TRIT1: variants seen among roughly 807,000 people sequenced by gnomAD.
TRIT1 encodes tRNA isopentenyltransferase 1, also known as tRNA dimethylallyltransferase.
TRIT1 carries 43 observed loss-of-function variants against 51.2 expected under a neutral mutation model. The observed-to-expected ratio is 0.84, with a 90% CI of 0.66 to 1.08. The LOEUF is 1.08. Ranked by LOEUF, TRIT1 falls within the 50% of genes least tolerant of loss-of-function variation. The pLI, the probability that TRIT1 is intolerant of heterozygous loss-of-function variation, is 0.00. For missense variants in TRIT1, 528 were observed against 578.4 expected (o/e 0.91, Z 0.89); for synonymous variants, 184 against 203.9 (o/e 0.90, Z 0.83).
chr1:39,849,447 C>A (rs894237134), intron 5 of TRIT1, among the ~76,000 whole-genome samples: 9 of 152,084 alleles, frequency 5.9e-5, no homozygotes, highest in Non-Finnish European at 1.3e-4. Flanking sequence ...GTCTCTGACT[C>A]CCCCCAAGAT....
chr1:39,844,541 C>T lies in TRIT1; in HGVS notation c.1106G>A (p.Ser369Asn). 1 of 1,613,342 alleles carries T rather than the reference C, an allele frequency of 6.2e-7. No individual in the cohort carries two copies. The part of the protein sequence containing the change: ...VLEPALEIVQ[S>N]FIQGHKPTAT... ...ATGATTCATAATTACCTGGATGAAA[C>T]TTTGCACGATTTCAAGAGCAGGTTC... Residue 369 changes from serine to asparagine, a missense_variant, in exon 9 of 11, where the codon AGT becomes AAT. Physicochemically the swap from Ser to Asn is conservative, Grantham distance 46. Coordinates refer to ENST00000316891, the MANE Select transcript of TRIT1 (RefSeq NM_017646.6).
At chr1:39,875,832 G>T (rs1388665594) in intron 1 of TRIT1, among the ~76,000 whole-genome samples, 1 of 152,132 alleles carries the variant, frequency 6.6e-6, no homozygotes, top group East Asian at 1.9e-4. Context: ...ACAGCATGGA[G>T]ATGAGGATTT....
intron 1 of TRIT1, among the ~76,000 whole-genome samples, chr1:39,861,044 T>C (rs1405669770): frequency 6.6e-6 from 1 of 152,194 alleles, no homozygotes; most frequent in Non-Finnish European, 1.5e-5. Flanking sequence ...GCCACTGCAC[T>C]CTAGCCTGGG....
chr1:39,863,667 A>G (rs905487075), intron 1 of TRIT1, among the ~76,000 whole-genome samples: 11 of 152,064 alleles, frequency 7.2e-5, no homozygotes, highest in Non-Finnish European at 5.9e-5. Context: ...AAAATGGTAC[A>G]ACGCTGAAAT....
intron 1 of TRIT1, among the ~76,000 whole-genome samples, chr1:39,877,282 G>A (rs928722184): frequency 6.7e-6 from 1 of 150,188 alleles, no homozygotes; most frequent in Non-Finnish European, 1.5e-5. Context: ...GGATCACTTG[G>A]GGCCAAGAGT....
intron 8 of TRIT1, chr1:39,846,934 C>A (rs539927791): frequency 6.9e-6 from 2 of 291,864 alleles, no homozygotes; most frequent in African/African-American, 4.4e-5. Context: ...CAGCCCTGAA[C>A]ACCAACTCTC....
chr1:39,851,222 C>T (rs1642547147), intron 4 of TRIT1, among the ~76,000 whole-genome samples: 1 of 151,536 alleles, frequency 6.6e-6, no homozygotes, highest in South Asian at 2.1e-4. Context: ...AGCCTCAAGC[C>T]AAAAGAAAGA....
chr1:39,879,703 G>A (rs1017334323), intron 1 of TRIT1, among the ~76,000 whole-genome samples: 6 of 151,124 alleles, frequency 4.0e-5, no homozygotes, highest in Admixed American at 2.0e-4. Flanking sequence ...GTGAAACCCC[G>A]ACTCTACTAA....
chr1:39,881,326 T>A (rs929691823), intron 1 of TRIT1, among the ~76,000 whole-genome samples: 1 of 152,120 alleles, frequency 6.6e-6, no homozygotes, highest in Admixed American at 6.5e-5. Flanking sequence ...GAAACTCTTA[T>A]TACTTAAGTC....
intron 1 of TRIT1, among the ~76,000 whole-genome samples, chr1:39,876,945 A>G (rs1180141359): frequency 6.6e-6 from 1 of 150,666 alleles, no homozygotes; most frequent in African/African-American, 2.4e-5. Context: ...AAAAACAAAA[A>G]AAAAAGGACT....
At chr1:39,872,808 AAGGAAGGG>A (rs1557580247) in intron 1 of TRIT1, among the ~76,000 whole-genome samples, 2 of 119,418 alleles carry the variant, frequency 1.7e-5, no homozygotes, top group African/African-American at 3.7e-5. Context: ...GAGAGAAAGG[AAGGAAGGG>A]AGGGAGGGAG....
intron 1 of TRIT1, among the ~76,000 whole-genome samples, chr1:39,859,360 T>C (rs1199965726): frequency 7.9e-6 from 1 of 125,848 alleles, no homozygotes; most frequent in Non-Finnish European, 1.6e-5. Context: ...CTGAGGTGGG[T>C]GGATCACTTG....
At chr1:39,871,851 C>G (rs190411408) in intron 1 of TRIT1, among the ~76,000 whole-genome samples, 1 of 152,056 alleles carries the variant, frequency 6.6e-6, no homozygotes, top group Non-Finnish European at 1.5e-5. Flanking sequence ...CTGTCAAAAC[C>G]CATAGAACTA....
In TRIT1 at chr1:39,847,561, C is replaced by T; in HGVS notation, c.915G>A (p.Gln305=). 6.2e-7 allele frequency: 1 copy of T among 1,614,190 alleles called. No individual in the cohort carries two copies. Among genetic ancestry groups the T allele is most frequent in the Non-Finnish European group, 8.5e-7 (1 of 1,180,006 alleles). The change falls in exon 7 of 11, where the codon CAG becomes CAA. Residue 305 remains glutamine (Q), a synonymous_variant. Transcript: ENST00000316891. The part of the protein sequence containing the change: ...EGKCTLETSN[Q]LLKKGIEALK... ...AAGAATTCACACCTTTCTTTAGAAG[C>T]TGGTTACTAGTCTCCAGTGTGCATT...
rs1291985725 is a variant in TRIT1 at position 39,880,136 on chromosome 1, C to G, written c.174+3182G>C. Among the ~76,000 whole-genome samples the G allele has an allele frequency of 3.3e-5, 5 of 150,940 alleles. No individual in the cohort carries two copies. In the Admixed American group the frequency reaches 3.3e-4, roughly 10 times the overall value. On this transcript the variant is annotated intron_variant, in intron 1 of 10. Coordinates refer to ENST00000316891, the MANE Select transcript of TRIT1 (RefSeq NM_017646.6). ...GTTGCAGTGAGCTGAGACAGTGCCA[C>G]TGTACTCCAGCCTAGTGACAGAGCA... is the stretch of plus-strand genomic sequence containing the variant.
Position 39,842,011 on chromosome 1 carries a change from T to C in TRIT1, c.1235-98A>G, listed in dbSNP as rs191990369. ...AGTAAAATTAACTATACAATGCTTT[T>C]CTTCAACAATAAACAGCAAGATCAA... On this transcript the variant is annotated intron_variant, in intron 10 of 10. Transcript: ENST00000316891. The C allele has an allele frequency of 1.3e-5, 17 of 1,311,244 alleles. No homozygotes were observed. In the African/African-American group the frequency reaches 2.4e-4, roughly 18 times the overall value. The allele number at this position is 1,311,244 out of a possible 1,614,324, so 81.2% of individuals were successfully genotyped here.
At chr1:39,856,605 G>A (rs1045255384) in intron 2 of TRIT1, among the ~76,000 whole-genome samples, 1 of 151,584 alleles carries the variant, frequency 6.6e-6, no homozygotes, top group Non-Finnish European at 1.5e-5. Context: ...TAATTATTAT[G>A]ACTTTTCAAT....
chr1:39,866,022 GAAAGAAAAGA>G (rs148250913), intron 1 of TRIT1, among the ~76,000 whole-genome samples: 6 of 144,416 alleles, frequency 4.2e-5, no homozygotes, highest in Non-Finnish European at 7.5e-5. Context: ...GAAAAGAAAA[GAAAGAAAAGA>G]AAAGAAAAGA....
rs3033562 is a variant in TRIT1, at chr1:39,859,260, C to CAAAAAAAAAAA, written c.175-1854_175-1844dup. Among the ~76,000 whole-genome samples the CAAAAAAAAAAA allele has an allele frequency of 1.6e-4, 3 of 19,034 alleles. 1 individual carries two copies. The highest frequency in any genetic ancestry group is 7.1e-4 in the Admixed American group (1 of 1,412). 12.5% of individuals were successfully genotyped at this position (19,034 alleles called of 152,430 possible). On this transcript the variant is annotated intron_variant, in intron 1 of 10. Coordinates refer to ENST00000316891, the MANE Select transcript of TRIT1 (RefSeq NM_017646.6). ...AACAGAGTGAGACTCGACTCCGTCT[C>CAAAAAAAAAAA]AAAAAAAAAAAAAAAAAAAAAAAAA...
Sources: allele counts gnomAD v4.1 joint callset (sites outside exome capture counted in the v4.1 genomes callset), GRCh38; gene constraint gnomAD v4.1.1; transcripts MANE v1.5; gene names NCBI Gene and HGNC (gene_info 2026-07-23, HGNC 2026-07-21).